The following IFT122 variants were observed in gnomAD, a reference collection of about 807,000 sequenced individuals.
IFT122 encodes intraflagellar transport protein 122 homolog.
Under a neutral mutation model 161.6 loss-of-function variants are expected in IFT122, and 118 were observed. That is an observed-to-expected ratio of 0.73 (90% confidence interval 0.63 to 0.85). IFT122 has a LOEUF of 0.85. Ranked by LOEUF, IFT122 falls within the 40% of genes least tolerant of loss-of-function variation. The pLI is 0.00. For synonymous variants in IFT122, 550 were observed against 602.4 expected (o/e 0.91, Z 1.27); for missense variants, 1,381 against 1,579.6 (o/e 0.87, Z 2.13).
At chr3:129,468,653 T>C (rs1026644701) in intron 8 of IFT122, among the ~76,000 whole-genome samples, 1 of 152,212 alleles carries the variant, frequency 6.6e-6, no homozygotes, top group Non-Finnish European at 1.5e-5. Context: ...CGCTTTTCTC[T>C]TGAACTAGAT....
chr3:129,504,493 G>C (rs1456600252), intron 21 of IFT122, 72 bp downstream of exon 21: 5 of 1,239,884 alleles, frequency 4.0e-6, no homozygotes, highest in Admixed American at 3.4e-5. Flanking sequence ...TTTCAGGAAG[G>C]CTACCAAGCC....
At chr3:129,513,690 A>C (rs2108640250) in intron 24 of IFT122, 1 of 161,162 alleles carries the variant, frequency 6.2e-6, no homozygotes, top group Non-Finnish European at 1.4e-5. Flanking sequence ...CATGCTGGAG[A>C]CACAGAAGGA....
chr3:129,444,465 G>T (rs1452452384), intron 1 of IFT122, among the ~76,000 whole-genome samples: 1 of 152,156 alleles, frequency 6.6e-6, no homozygotes, highest in Non-Finnish European at 1.5e-5. Flanking sequence ...GGGCAGTGGT[G>T]CCTGTCCTGT....
At chr3:129,476,550 G>A (rs2077971393) in intron 10 of IFT122, 44 bp downstream of exon 10, 10 of 1,612,958 alleles carry the variant, frequency 6.2e-6, no homozygotes, top group Non-Finnish European at 8.5e-6. Flanking sequence ...GCTTGAAGAG[G>A]CACTGAGCAG....
intron 1 of IFT122, among the ~76,000 whole-genome samples, chr3:129,444,354 T>G (rs181659096): frequency 3.4e-4 from 51 of 152,172 alleles, no homozygotes; most frequent in Admixed American, 5.9e-4. Flanking sequence ...CTGGAAAGAG[T>G]GTGATAATCA....
intron 21 of IFT122, among the ~76,000 whole-genome samples, chr3:129,504,935 T>C (rs575492979): frequency 6.6e-6 from 1 of 152,284 alleles, no homozygotes; most frequent in South Asian, 2.1e-4. Context: ...AAACTCAGCT[T>C]CTATTTCTGG....
chr3:129,456,453 A>C (rs1417142009), intron 3 of IFT122, among the ~76,000 whole-genome samples: 1 of 152,128 alleles, frequency 6.6e-6, no homozygotes, highest in Non-Finnish European at 1.5e-5. Flanking sequence ...CCTGGCCAAC[A>C]CAGTGAAACC....
chr3:129,492,601 ATGAGC>A (rs1393983037), intron 17 of IFT122, among the ~76,000 whole-genome samples: 1 of 152,088 alleles, frequency 6.6e-6, no homozygotes, highest in East Asian at 1.9e-4. Context: ...CCAAATGCAC[ATGAGC>A]TGAGCTCCAT....
chr3:129,469,841 G>C (rs2077180675), intron 9 of IFT122, among the ~76,000 whole-genome samples: 1 of 152,194 alleles, frequency 6.6e-6, no homozygotes. Context: ...TCATAAAGGA[G>C]CTGCTGACAT....
At position 129,517,243 on chromosome 3, in the gene IFT122, C is replaced by G. The variant is rs547308084; in HGVS notation, c.3266-226C>G. Among the ~76,000 whole-genome samples, 88 of 147,510 alleles carry G rather than the reference C, an allele frequency of 6.0e-4. 2 individuals carry two copies. The East Asian group carries it at 0.018, about 29-fold the overall frequency. ...GCACACACACACACACAGAAACTGCCCCTGCACACACACACATTGCTCCTG... is the reference window on the plus strand; with the variant it reads ...GCACACACACACACACAGAAACTGCGCCTGCACACACACACATTGCTCCTG... On this transcript the variant is annotated intron_variant, in intron 26 of 29. Transcript: ENST00000348417.
chr3:129,446,988 C>T (rs760380233), intron 1 of IFT122, among the ~76,000 whole-genome samples: 1 of 152,122 alleles, frequency 6.6e-6, no homozygotes, highest in Non-Finnish European at 1.5e-5. Context: ...CCAATGAAAT[C>T]CTCTGCCTGG....
intron 21 of IFT122, among the ~76,000 whole-genome samples, chr3:129,505,814 A>G (rs1453959573): frequency 6.6e-6 from 1 of 152,202 alleles, no homozygotes; most frequent in East Asian, 1.9e-4. Context: ...AGATCCTTCA[A>G]AGTGGTCATT....
Position 129,440,271 on chromosome 3 carries a change from C to T in IFT122, c.-60C>T. 1.3e-6 allele frequency: 2 copies of T among 1,544,994 alleles called. No homozygotes were observed. Among genetic ancestry groups the T allele is most frequent in the South Asian group, 1.2e-5 (1 of 83,902 alleles). On this transcript the variant is annotated 5_prime_UTR_variant, in exon 1 of 30. Transcript: ENST00000348417. ...TGTGGAGTGGCGACCGTTAGTGAGG[C>T]GGTTGCTGAGACAGACGCTGAGGCG... is the stretch of plus-strand genomic sequence containing the variant.
chr3:129,470,358 G>T (rs1164623876), intron 9 of IFT122, among the ~76,000 whole-genome samples: 1 of 151,984 alleles, frequency 6.6e-6, no homozygotes, highest in Non-Finnish European at 1.5e-5. Context: ...CCGCCTCCTG[G>T]GTTCACGCCA....
intron 21 of IFT122, among the ~76,000 whole-genome samples, chr3:129,504,698 A>G (rs1007128619): frequency 6.6e-6 from 1 of 152,226 alleles, no homozygotes; most frequent in African/African-American, 2.4e-5. Context: ...AGTGCTGTGC[A>G]CTGCAGTGTA....
rs2081252736 is a variant in IFT122 at position 129,499,263 on chromosome 3, G to A, written c.2209-639G>A. Among the ~76,000 whole-genome samples the A allele has an allele frequency of 3.3e-5, 5 of 152,372 alleles. No homozygotes were observed. The South Asian group carries it at 1.0e-3, about 32-fold the overall frequency. On this transcript the variant is annotated intron_variant, in intron 18 of 29. Coordinates refer to ENST00000348417, the MANE Select transcript of IFT122 (RefSeq NM_052989.3). Reference sequence around the variant, plus strand: ...TTTGCTTGTTATCTGTTCCAGGAAAGTAACTGGGGCAAAGACAATGTGATG... The same window carrying A: ...TTTGCTTGTTATCTGTTCCAGGAAAATAACTGGGGCAAAGACAATGTGATG...
chr3:129,451,223 C>T (rs181012261), intron 2 of IFT122, among the ~76,000 whole-genome samples: 178 of 152,184 alleles, frequency 1.2e-3, no homozygotes, highest in Non-Finnish European at 2.1e-3. Flanking sequence ...CTCAGCCTCC[C>T]GAGTAGCTAG....
chr3:129,472,810 T>C (rs2077503881), intron 9 of IFT122, among the ~76,000 whole-genome samples: 2 of 152,258 alleles, frequency 1.3e-5, no homozygotes, highest in South Asian at 4.1e-4. Context: ...AGAGGATTTC[T>C]GTTGTTCAGT....
At chr3:129,480,419 G>T (rs2078505677) in intron 13 of IFT122, among the ~76,000 whole-genome samples, 1 of 152,178 alleles carries the variant, frequency 6.6e-6, no homozygotes, top group Admixed American at 6.5e-5. Flanking sequence ...ACAAAATTCT[G>T]TGTGTGTGTA....
Sources: allele counts gnomAD v4.1 joint callset (sites outside exome capture counted in the v4.1 genomes callset), GRCh38; gene constraint gnomAD v4.1.1; transcripts MANE v1.5; gene names NCBI Gene and HGNC (gene_info 2026-07-23, HGNC 2026-07-21).